GPSM2: variants seen among roughly 807,000 people sequenced by gnomAD.
GPSM2 encodes G protein signaling modulator 2.
GPSM2 carries 58 observed loss-of-function variants against 78.4 expected under a neutral mutation model. The observed-to-expected ratio is 0.74, with a 90% CI of 0.60 to 0.92. The LOEUF (loss-of-function observed/expected upper bound fraction) is 0.92. Among genes scored for constraint, GPSM2 ranks in the 40% least tolerant of loss-of-function variants. The probability of loss-of-function intolerance (pLI) is 0.00; values close to 1 mark genes in which losing one functional copy is unlikely to be tolerated. For synonymous variants in GPSM2, 224 were observed against 280.2 expected, an observed-to-expected ratio of 0.80 and a Z score of 2.00; for missense variants, 700 against 815.5, an observed-to-expected ratio of 0.86 and a Z score of 1.73.
chr1:108,888,263 G>C (rs1647715578), intron 2 of GPSM2, among the ~76,000 whole-genome samples: 1 of 152,134 alleles, frequency 6.6e-6, no homozygotes, highest in Admixed American at 6.5e-5. Context: ...TGTTGGCCAG[G>C]CTGGTCTCGA....
In GPSM2 at chr1:108,903,286, G is replaced by C. The variant is rs41310096; in HGVS notation, c.1062+52G>C. 1.5e-3 allele frequency: 1,402 copies of C among 954,524 alleles called. 15 individuals carry two copies. The African/African-American group carries it at 0.019, about 13-fold the overall frequency. 59.1% of individuals were successfully genotyped at this position (954,524 alleles called of 1,614,324 possible). ...GTGCTATTGTAATTTACAAATTAGA[G>C]GTTGGGGGAGGGAACCCTATTTCTC... On this transcript the variant is annotated intron_variant, in intron 9 of 14. Coordinates refer to ENST00000264126, the MANE Select transcript of GPSM2 (RefSeq NM_013296.5).
In GPSM2 at chr1:108,901,873, T is replaced by C. The variant is rs2101429673; in HGVS notation, c.881T>C (p.Leu294Ser). The C allele has an allele frequency of 1.2e-6, 2 of 1,610,270 alleles. No homozygotes were observed. Among genetic ancestry groups the C allele is most frequent in the Admixed American group, 1.7e-5 (1 of 60,018 alleles). ...TACAGTCTTGGAAATACATATACTT[T>C]ACTTCAAGACTATGAAAAGGCCATT... The part of the protein sequence containing the change: ...SCYSLGNTYT[L>S]LQDYEKAIDY... Residue 294 changes from leucine (L) to serine (S), a missense_variant, in exon 8 of 15, where the codon TTA becomes TCA. Leu to Ser is a moderately radical substitution (Grantham distance 145). Coordinates refer to ENST00000264126, the MANE Select transcript of GPSM2 (RefSeq NM_013296.5).
In GPSM2 at chr1:108,897,081, G is replaced by A. The variant is rs747080388; in HGVS notation, c.274G>A (p.Ala92Thr). ...LEYHHHDLTL[A>T]RTIGDQLGEA... ...ATATCACCATCATGATTTAACCCTT[G>A]CAAGGTAATTAATTTAAGCTTTTAA... The change falls in exon 3 of 15, where the codon GCA (alanine) becomes ACA (threonine). Residue 92 changes from alanine to threonine, a missense_variant. Ala to Thr is a moderately conservative substitution (Grantham distance 58). Transcript: ENST00000264126. 18 of 1,587,872 alleles carry A rather than the reference G, an allele frequency of 1.1e-5. No homozygotes were observed. The highest frequency in any genetic ancestry group is 3.3e-5 in the Admixed American group (2 of 59,958).
Position 108,901,812 on chromosome 1 carries a change from C to G in GPSM2, c.820C>G (p.Gln274Glu), listed in dbSNP as rs780078229. 6.2e-7 allele frequency: 1 copy of G among 1,612,100 alleles called. No homozygotes were observed. The highest frequency in any genetic ancestry group is 2.2e-5 in the East Asian group (1 of 44,850). ...TAGGAAGACACTACTGTTGGCCCGACAGCTTAAAGACCGAGCTGTAGAAGC... is the reference window on the plus strand; with the variant it reads ...TAGGAAGACACTACTGTTGGCCCGAGAGCTTAAAGACCGAGCTGTAGAAGC... The part of the protein sequence containing the change: ...YYKKTLLLAR[Q>E]LKDRAVEAQS... Residue 274 changes from glutamine (Q) to glutamate (E), a missense_variant, in exon 8 of 15, where the codon CAG (glutamine) becomes GAG (glutamate). Physicochemically the swap from Gln to Glu is conservative, Grantham distance 29 (BLOSUM62 2). Transcript: ENST00000264126.
At chr1:108,896,342 G>C (rs925873673) in intron 2 of GPSM2, among the ~76,000 whole-genome samples, 9 of 152,168 alleles carry the variant, frequency 5.9e-5, no homozygotes, top group African/African-American at 1.4e-4. Flanking sequence ...GTGGTGGTAA[G>C]AAGAGGAAGG....
intron 2 of GPSM2, among the ~76,000 whole-genome samples, chr1:108,892,066 A>C (rs1282271248): frequency 6.6e-6 from 1 of 152,204 alleles, no homozygotes; most frequent in African/African-American, 2.4e-5. Flanking sequence ...GTTCATGCCC[A>C]ATTAGAATAC....
rs902850622 is a variant in GPSM2 at position 108,931,938 on chromosome 1, T to G, written c.*1998T>G. The G allele has an allele frequency of 6.4e-6, 1 of 155,122 alleles. No homozygotes were observed. Among genetic ancestry groups the G allele is most frequent in the African/African-American group, 2.4e-5 (1 of 41,460 alleles). The allele number at this position is 155,122 out of a possible 1,614,324, so 9.6% of individuals were successfully genotyped here. Reference sequence around the variant, plus strand: ...CAACATTATTCCATTTAAACATTGTTTTTAACAGCTGTCTACCCTGTTCTG... The same window carrying G: ...CAACATTATTCCATTTAAACATTGTGTTTAACAGCTGTCTACCCTGTTCTG... On this transcript the variant is annotated 3_prime_UTR_variant, in exon 15 of 15. Coordinates refer to ENST00000264126, the MANE Select transcript of GPSM2 (RefSeq NM_013296.5).
At chr1:108,891,589 G>A (rs925034777) in intron 2 of GPSM2, among the ~76,000 whole-genome samples, 2 of 151,878 alleles carry the variant, frequency 1.3e-5, no homozygotes, top group Non-Finnish European at 2.9e-5. Context: ...CTGCCTACTG[G>A]GCTCAAGCTA....
At chr1:108,879,572 C>T (rs890474112) in intron 1 of GPSM2, among the ~76,000 whole-genome samples, 21 of 152,328 alleles carry the variant, frequency 1.4e-4, no homozygotes, top group African/African-American at 4.1e-4. Context: ...CGGTGGCTCA[C>T]GCCTGTAATC....
At chr1:108,922,063 C>G (rs374089760) in intron 12 of GPSM2, among the ~76,000 whole-genome samples, 1 of 135,994 alleles carries the variant, frequency 7.4e-6, no homozygotes, top group African/African-American at 3.0e-5. Context: ...TCTTTCTTAG[C>G]TCTTACAAAG....
chr1:108,895,544 G>A (rs1648290193), intron 2 of GPSM2, among the ~76,000 whole-genome samples: 1 of 152,174 alleles, frequency 6.6e-6, no homozygotes, highest in Non-Finnish European at 1.5e-5. Context: ...TGTCAGATCA[G>A]CAGTACCATT....
At chr1:108,919,626 G>T (rs1019399461) in intron 12 of GPSM2, among the ~76,000 whole-genome samples, 2 of 151,922 alleles carry the variant, frequency 1.3e-5, no homozygotes, top group Non-Finnish European at 2.9e-5. Context: ...TGGTCCCAGA[G>T]CCTAGGAGGT....
In GPSM2 at chr1:108,897,482, T is replaced by C. The variant is rs1473813834; in HGVS notation, c.279-10T>C. ...TTGGTTTTTTGTTTTTTGTTTTTTGTTTTTTTCAGGACTATTGGAGACCAG... is the reference window on the plus strand; with the variant it reads ...TTGGTTTTTTGTTTTTTGTTTTTTGCTTTTTTCAGGACTATTGGAGACCAG... On this transcript the variant is annotated splice_polypyrimidine_tract_variant and intron_variant, in intron 3 of 14. Coordinates refer to ENST00000264126, the MANE Select transcript of GPSM2 (RefSeq NM_013296.5). 2 of 1,603,022 alleles carry C rather than the reference T, an allele frequency of 1.2e-6. No individual in the cohort carries two copies. Among genetic ancestry groups the C allele is most frequent in the South Asian group, 2.2e-5 (2 of 89,736 alleles).
intron 2 of GPSM2, among the ~76,000 whole-genome samples, chr1:108,892,468 A>G (rs1648042876): frequency 6.6e-6 from 1 of 152,206 alleles, no homozygotes; most frequent in Admixed American, 6.5e-5. Context: ...CTCTATTAGC[A>G]AAAATGAAAA....
intron 13 of GPSM2, among the ~76,000 whole-genome samples, chr1:108,923,154 T>A (rs1650856943): frequency 1.3e-5 from 2 of 152,218 alleles, no homozygotes; most frequent in African/African-American, 4.8e-5. Context: ...TACCTCAGCC[T>A]CCCAAGTAAC....
chr1:108,929,558 C>A (rs1443795089), intron 14 of GPSM2, 143 bp from the exon 15 acceptor site: 7 of 726,974 alleles, frequency 9.6e-6, no homozygotes, highest in Admixed American at 2.4e-5. Flanking sequence ...CTAAAGAGAA[C>A]AATATAAAAA....
At chr1:108,928,072 A>ACTT (rs932096882) in intron 14 of GPSM2, among the ~76,000 whole-genome samples, 36 of 152,362 alleles carry the variant, frequency 2.4e-4, no homozygotes, top group African/African-American at 8.7e-4. Context: ...GACAAATTGG[A>ACTT]CTTCATAATT....
chr1:108,909,411 C>T lies in GPSM2; in HGVS notation c.1193-4927C>T, dbSNP rs763499532. ...ATCTGTATCACACATGCTCTGAGCA[C>T]GGTGCATTTAATTTAGAAATTAATA... is the stretch of plus-strand genomic sequence containing the variant. On this transcript the variant is annotated intron_variant, in intron 10 of 14. Transcript: ENST00000264126. 6.6e-5 allele frequency among the ~76,000 whole-genome samples: 10 copies of T among 152,068 alleles called. No individual in the cohort carries two copies. The South Asian group carries it at 1.5e-3, about 22-fold the overall frequency.
rs137987615 is a variant in GPSM2, at chr1:108,899,094, A to T, written c.797+100A>T. On this transcript the variant is annotated intron_variant, in intron 7 of 14. Transcript: ENST00000264126. ...ATCTGATTGTAGCAGAACTTTTGGCATCTAAGCCTCAATTTCCTTATCTGT... is the reference window on the plus strand; with the variant it reads ...ATCTGATTGTAGCAGAACTTTTGGCTTCTAAGCCTCAATTTCCTTATCTGT... 2.9e-4 allele frequency: 218 copies of T among 742,942 alleles called. 1 individual carries two copies. The East Asian group carries it at 3.0e-3, about 10-fold the overall frequency. 46.0% of individuals were successfully genotyped at this position (742,942 alleles called of 1,614,324 possible). A position where few individuals can be genotyped will look rare whatever the true frequency, so the allele number is the denominator to read the frequency against.
Sources: gnomAD v4.1 joint callset for allele counts (sites outside exome capture counted in the v4.1 genomes callset) on GRCh38, gnomAD v4.1.1 for gene constraint, MANE v1.5 for transcripts, NCBI Gene and HGNC (gene_info 2026-07-23, HGNC 2026-07-21) for gene names.